Variants in SH2B2 observed in about 807,000 individuals in gnomAD.
SH2B2 encodes SH2B adaptor protein 2.
SH2B2 carries 37 observed loss-of-function variants against 35.7 expected under a neutral mutation model. The ratio of observed to expected loss-of-function variants is 1.04; its 90% CI spans 0.80 to 1.36. The LOEUF (loss-of-function observed/expected upper bound fraction) is 1.36. SH2B2 is among the 40% of genes most tolerant of loss of function. SH2B2 has a pLI of 0.00. For synonymous variants in SH2B2, 383 were observed against 376.4 expected, an observed-to-expected ratio of 1.02 and a Z score of -0.20; for missense variants, 852 against 817.7, an observed-to-expected ratio of 1.04 and a Z score of -0.51.
chr7:102,293,627 CT>C (rs1792785646), intron 1 of SH2B2, among the ~76,000 whole-genome samples: 1 of 152,000 alleles, frequency 6.6e-6, no homozygotes, highest in Non-Finnish European at 1.5e-5. Flanking sequence ...GCTGGGCTTC[CT>C]TTGTCTCCAA....
At chr7:102,285,403 A>G (rs189193537), upstream of SH2B2, 167 of 666,036 alleles carry the variant, frequency 2.5e-4, no homozygotes, top group Admixed American at 1.2e-3. Context: ...CTGGTTCCCA[A>G]CCAGGCGTGC....
chr7:102,286,802 C>CG (rs1158904902), upstream of SH2B2: 2 of 40,994 alleles, frequency 4.9e-5, no homozygotes, highest in African/African-American at 2.0e-4. Flanking sequence ...GGGGCGGGGC[C>CG]GGGGCTCGCG....
chr7:102,321,654 C>A lies in SH2B2; in HGVS notation c.*24C>A. The A allele has an allele frequency of 8.8e-7, 1 of 1,130,350 alleles. No homozygotes were observed. The highest frequency in any genetic ancestry group is 1.1e-6 in the Non-Finnish European group (1 of 921,108). The allele number at this position is 1,130,350 out of a possible 1,614,324, so 70.0% of individuals were successfully genotyped here. ...AGCCCGCGGCGCCGCCCGGGTGGGACACGCCAAGCTCTTCAGTGAAGACAC... is the reference window on the plus strand; with the variant it reads ...AGCCCGCGGCGCCGCCCGGGTGGGAAACGCCAAGCTCTTCAGTGAAGACAC... On this transcript the variant is annotated 3_prime_UTR_variant, in exon 9 of 9. Coordinates refer to ENST00000444095, the MANE Select transcript of SH2B2 (RefSeq NM_001359228.2).
chr7:102,320,366 T>C lies in SH2B2; in HGVS notation c.1431T>C (p.Cys477=). Residue 477 remains cysteine (C), a synonymous_variant, in exon 8 of 9, where the codon TGT becomes TGC. Coordinates refer to ENST00000444095, the MANE Select transcript of SH2B2 (RefSeq NM_001359228.2). Reference sequence around the variant, plus strand: ...TGTCCCTGAACGGCCACGGCCAGTGTCACGTACAGCATCTGTGGTTCCAGT... The same window carrying C: ...TGTCCCTGAACGGCCACGGCCAGTGCCACGTACAGCATCTGTGGTTCCAGT... ...LRLSLNGHGQ[C]HVQHLWFQSV... is the part of the protein sequence containing the mutation. 6.2e-7 allele frequency: 1 copy of C among 1,613,088 alleles called. No individual in the cohort carries two copies. The highest frequency in any genetic ancestry group is 8.5e-7 in the Non-Finnish European group (1 of 1,179,850).
At chr7:102,290,270 G>A (rs1428722300) in intron 1 of SH2B2, among the ~76,000 whole-genome samples, 3 of 150,172 alleles carry the variant, frequency 2.0e-5, no homozygotes, top group African/African-American at 7.4e-5. Flanking sequence ...TTGAGACAGA[G>A]TCTTGCTCTG....
At chr7:102,311,744 A>G (rs1793630182) in intron 4 of SH2B2, among the ~76,000 whole-genome samples, 1 of 152,014 alleles carries the variant, frequency 6.6e-6, no homozygotes, top group African/African-American at 2.4e-5. Context: ...AAATTTATTT[A>G]ACGTGTATAC....
intron 1 of SH2B2, among the ~76,000 whole-genome samples, chr7:102,290,457 G>A (rs1792633947): frequency 6.6e-6 from 1 of 152,076 alleles, no homozygotes; most frequent in Non-Finnish European, 1.5e-5. Context: ...TAGAGATGGG[G>A]TTTCACCGTG....
intron 1 of SH2B2, among the ~76,000 whole-genome samples, chr7:102,291,835 G>A (rs1389934482): frequency 1.3e-5 from 2 of 152,204 alleles, no homozygotes; most frequent in Non-Finnish European, 2.9e-5. Context: ...GGGAGAGAGA[G>A]ACTCATACCT....
intron 6 of SH2B2, among the ~76,000 whole-genome samples, chr7:102,316,469 C>T (rs1240726932): frequency 6.6e-6 from 1 of 152,060 alleles, no homozygotes; most frequent in Non-Finnish European, 1.5e-5. Context: ...TGACTGTAAT[C>T]CCAGATACTT....
rs1167878391 is a variant in SH2B2, at chr7:102,314,280, G to A, written c.924-56G>A. The stretch of plus-strand genomic sequence containing the variant: ...CACTGCCTGGCCACATAAGTAGCCT[G>A]TGGTCCGAGTCCAAGTCCCACGGCA... On this transcript the variant is annotated intron_variant, in intron 4 of 8. Coordinates refer to ENST00000444095, the MANE Select transcript of SH2B2 (RefSeq NM_001359228.2). 4 of 398,640 alleles carry A rather than the reference G, an allele frequency of 1.0e-5. No individual in the cohort carries two copies. The East Asian group carries it at 1.4e-4, about 14-fold the overall frequency. 24.7% of individuals were successfully genotyped at this position (398,640 alleles called of 1,614,324 possible). A position where few individuals can be genotyped will look rare whatever the true frequency, so the allele number is the denominator to read the frequency against.
At chr7:102,289,377 C>G (rs954958286) in intron 1 of SH2B2, among the ~76,000 whole-genome samples, 1 of 152,044 alleles carries the variant, frequency 6.6e-6, no homozygotes, top group Non-Finnish European at 1.5e-5. Flanking sequence ...AAGGGGCGTT[C>G]CCGAGGCCTC....
chr7:102,316,519 G>A (rs938323368), intron 6 of SH2B2, among the ~76,000 whole-genome samples: 3 of 150,824 alleles, frequency 2.0e-5, no homozygotes, highest in Non-Finnish European at 4.4e-5. Context: ...CCTGCAAGAC[G>A]GAGGTTGCAG....
At chr7:102,307,527 C>A (rs1554555119) in intron 3 of SH2B2, among the ~76,000 whole-genome samples, 1 of 152,142 alleles carries the variant, frequency 6.6e-6, no homozygotes, top group African/African-American at 2.4e-5. Flanking sequence ...TAGTCACGGA[C>A]TCACTTATTC....
chr7:102,308,060 C>T (rs782498791), intron 3 of SH2B2, among the ~76,000 whole-genome samples: 61 of 152,290 alleles, frequency 4.0e-4, no homozygotes, highest in Non-Finnish European at 3.1e-4. Context: ...CGTGAGCCAC[C>T]GCGCCCGGCC....
At chr7:102,311,754 C>A (rs1393959316) in intron 4 of SH2B2, among the ~76,000 whole-genome samples, 1 of 151,916 alleles carries the variant, frequency 6.6e-6, no homozygotes, top group East Asian at 1.9e-4. Flanking sequence ...AACGTGTATA[C>A]ATAGGAGCCT....
chr7:102,296,285 G>A (rs1436895135), intron 1 of SH2B2, among the ~76,000 whole-genome samples: 1 of 152,210 alleles, frequency 6.6e-6, no homozygotes, highest in Non-Finnish European at 1.5e-5. Context: ...TAATTACATG[G>A]TTTGGATCCC....
At chr7:102,292,183 C>T (rs782530780) in intron 1 of SH2B2, among the ~76,000 whole-genome samples, 11 of 152,032 alleles carry the variant, frequency 7.2e-5, no homozygotes, top group Non-Finnish European at 1.3e-4. Context: ...GAAGAGGCTG[C>T]ATGAGACCAG....
intron 3 of SH2B2, among the ~76,000 whole-genome samples, chr7:102,307,111 C>T (rs1554555044): frequency 2.6e-5 from 4 of 152,264 alleles, no homozygotes. Flanking sequence ...ACTTCCTGCC[C>T]TCCCTTCCCC....
chr7:102,289,364 A>G (rs1459043428), intron 1 of SH2B2, among the ~76,000 whole-genome samples: 2 of 151,960 alleles, frequency 1.3e-5, no homozygotes, highest in African/African-American at 4.8e-5. Context: ...TGGGAAGAGG[A>G]TCAAGGGGCG....
Sources: allele counts gnomAD v4.1 joint callset (sites outside exome capture counted in the v4.1 genomes callset), GRCh38; gene constraint gnomAD v4.1.1; transcripts MANE v1.5; gene names NCBI Gene and HGNC (gene_info 2026-07-23, HGNC 2026-07-21).